PPARGC1A: variants seen among roughly 807,000 people sequenced by gnomAD.
PPARGC1A encodes PPARG coactivator 1 alpha, also known as peroxisome proliferator-activated receptor gamma coactivator 1-alpha.
Under a neutral mutation model 88.7 loss-of-function variants are expected in PPARGC1A, and 25 were observed. The ratio of observed to expected loss-of-function variants is 0.28; its 90% CI spans 0.21 to 0.39. The LOEUF is 0.39. Ranked by LOEUF, PPARGC1A falls within the 10% of genes least tolerant of loss-of-function variation. The pLI, the probability that PPARGC1A is intolerant of heterozygous loss-of-function variation, is 1.00. For missense variants in PPARGC1A, 880 were observed against 968.7 expected (o/e 0.91, Z 1.22); for synonymous variants, 363 against 355.6 (o/e 1.02, Z -0.24).
the PPARGC1A span, among the ~76,000 whole-genome samples, chr4:24,433,518 C>CA: frequency 1.3e-5 from 2 of 152,250 alleles, no homozygotes; most frequent in Non-Finnish European, 2.9e-5. Flanking sequence ...GCAGGAGGGG[C>CA]ATATAAACTC....
chr4:24,110,599 A>C, the PPARGC1A span, among the ~76,000 whole-genome samples: 2 of 152,182 alleles, frequency 1.3e-5, no homozygotes, highest in Admixed American at 1.3e-4. Context: ...AGTAAAAACA[A>C]TGAGGTCCTT....
At chr4:23,962,383 G>C in the PPARGC1A span, among the ~76,000 whole-genome samples, 37 of 152,070 alleles carry the variant, frequency 2.4e-4, no homozygotes, top group Non-Finnish European at 4.1e-4. Context: ...AAGGTTCAGA[G>C]AGCCGCAGAG....
At chr4:24,044,115 C>T in the PPARGC1A span, among the ~76,000 whole-genome samples, 3 of 152,290 alleles carry the variant, frequency 2.0e-5, no homozygotes, top group Non-Finnish European at 2.9e-5. Flanking sequence ...AGATGTCAAC[C>T]GTAACGCCTA....
the PPARGC1A span, among the ~76,000 whole-genome samples, chr4:24,412,733 G>A: frequency 6.6e-6 from 1 of 152,150 alleles, no homozygotes; most frequent in Admixed American, 6.5e-5. Flanking sequence ...ACCAGCCTTG[G>A]CCTCCCAAAG....
intron 7 of PPARGC1A, among the ~76,000 whole-genome samples, chr4:23,823,858 C>T (rs560625760): frequency 3.3e-5 from 5 of 152,202 alleles, no homozygotes; most frequent in South Asian, 2.1e-4. Context: ...ACAATGACCA[C>T]GGTGCAGGTA....
At chr4:24,351,790 T>A in the PPARGC1A span, among the ~76,000 whole-genome samples, 1 of 152,134 alleles carries the variant, frequency 6.6e-6, no homozygotes, top group Non-Finnish European at 1.5e-5. Context: ...TCTGACACTA[T>A]TTTCTAACCT....
At chr4:24,155,159 C>T in the PPARGC1A span, among the ~76,000 whole-genome samples, 2 of 151,188 alleles carry the variant, frequency 1.3e-5, no homozygotes, top group African/African-American at 4.9e-5. Flanking sequence ...AGTGTCACTG[C>T]TAACCTCAAC....
chr4:24,401,846 T>C, the PPARGC1A span, among the ~76,000 whole-genome samples: 13 of 152,312 alleles, frequency 8.5e-5, no homozygotes, highest in East Asian at 2.5e-3. Context: ...TGGAACATAG[T>C]AAATATCAGT....
At chr4:23,831,820 T>C in intron 2 of PPARGC1A, 69 bp from the exon 3 acceptor site, 2 of 1,287,520 alleles carry the variant, frequency 1.6e-6, no homozygotes, top group South Asian at 2.5e-5. Context: ...TGCATCAACA[T>C]GTTTGACCAA....
the PPARGC1A span, among the ~76,000 whole-genome samples, chr4:24,020,903 G>A: frequency 4.6e-5 from 7 of 152,160 alleles, no homozygotes; most frequent in Admixed American, 6.5e-5. Context: ...CAAGAACACC[G>A]AGGGTGCTGT....
the PPARGC1A span, among the ~76,000 whole-genome samples, chr4:24,398,420 T>G: frequency 6.6e-6 from 1 of 152,228 alleles, no homozygotes; most frequent in Non-Finnish European, 1.5e-5. Context: ...TAATTCTATT[T>G]TTATTTCTAG....
At chr4:23,866,374 GC>G (rs937635002) in intron 2 of PPARGC1A, 114 of 152,072 alleles carry the variant, frequency 7.5e-4, no homozygotes, top group African/African-American at 2.7e-3. Context: ...ATTAGACTAG[GC>G]CTATAAAATC....
chr4:24,471,608 A>C, the PPARGC1A span, among the ~76,000 whole-genome samples: 1 of 151,964 alleles, frequency 6.6e-6, no homozygotes, highest in Admixed American at 6.5e-5. The surrounding 1 kb of genome is among the most constrained non-coding windows in gnomAD (Gnocchi z 5.4). Flanking sequence ...GCTGACATCC[A>C]TCTCCTTCCA....
chr4:24,142,447 C>T, the PPARGC1A span, among the ~76,000 whole-genome samples: 1 of 151,358 alleles, frequency 6.6e-6, no homozygotes, highest in Admixed American at 6.6e-5. Context: ...CTGAGGCAGG[C>T]GGATCGCTTT....
chr4:24,235,885 G>A, the PPARGC1A span, among the ~76,000 whole-genome samples: 1 of 152,152 alleles, frequency 6.6e-6, no homozygotes, highest in Non-Finnish European at 1.5e-5. Flanking sequence ...AAGGAGAGCA[G>A]AAAGTGTTAG....
the PPARGC1A span, among the ~76,000 whole-genome samples, chr4:24,264,643 G>A: frequency 3.9e-5 from 6 of 152,366 alleles, no homozygotes; most frequent in South Asian, 1.2e-3. Context: ...GAGTTCAAAT[G>A]CAGTAATGCA....
chr4:24,308,582 G>T, the PPARGC1A span, among the ~76,000 whole-genome samples: 16 of 152,102 alleles, frequency 1.1e-4, no homozygotes, highest in Non-Finnish European at 2.1e-4. Context: ...GGCTGCTCAA[G>T]TTGAAAGGGC....
the PPARGC1A span, among the ~76,000 whole-genome samples, chr4:24,126,267 C>CCACACACACACACACACACA: frequency 3.8e-4 from 55 of 146,536 alleles, 1 homozygote; most frequent in African/African-American, 7.0e-4. Context: ...TGGCTTCTCA[C>CCACACACACACACACACACA]CACACACACA....
At chr4:24,092,734 C>A in the PPARGC1A span, among the ~76,000 whole-genome samples, 1 of 152,186 alleles carries the variant, frequency 6.6e-6, no homozygotes, top group Non-Finnish European at 1.5e-5. Flanking sequence ...TACAGAACAA[C>A]CCTTCAGAGA....
Sources: allele counts gnomAD v4.1 joint callset (sites outside exome capture counted in the v4.1 genomes callset), GRCh38; gene constraint gnomAD v4.1.1; non-coding constraint Gnocchi (gnomAD v3.1); transcripts MANE v1.5; gene names NCBI Gene and HGNC (gene_info 2026-07-23, HGNC 2026-07-21).